The following EPS8L3 variants were observed in gnomAD, a reference collection of about 807,000 sequenced individuals.
The protein encoded by EPS8L3 is epidermal growth factor receptor kinase substrate 8-like protein 3.
Under a neutral mutation model 88.5 loss-of-function variants are expected in EPS8L3, and 80 were observed. That is an observed-to-expected ratio of 0.90 (90% confidence interval 0.75 to 1.09). The LOEUF is 1.09. EPS8L3 is among the 50% of genes least tolerant of loss of function. The probability of loss-of-function intolerance (pLI) is 0.00; values close to 1 mark genes in which losing one functional copy is unlikely to be tolerated. For synonymous variants in EPS8L3, 286 were observed against 291.0 expected (o/e 0.98, Z 0.18); for missense variants, 721 against 735.2 (o/e 0.98, Z 0.22).
chr1:109,753,190 C>T lies in EPS8L3; in HGVS notation c.1127G>A (p.Trp376Ter). 6.2e-7 allele frequency: 1 copy of T among 1,609,788 alleles called. No individual in the cohort carries two copies. The highest frequency in any genetic ancestry group is 1.7e-5 in the Admixed American group (1 of 59,388). ...GTAGGGCAGGGGCTCATCGCCTGTCCAGTCGGCCCTGAAGAGGGAAACAAA... is the reference window on the plus strand; with the variant it reads ...GTAGGGCAGGGGCTCATCGCCTGTCTAGTCGGCCCTGAAGAGGGAAACAAA... ...GPAWTTSRAD[W>*]TGDEPLPYQP... Residue 376 changes from tryptophan (W) to a stop codon, truncating the protein, a stop_gained, in exon 13 of 19, where the codon TGG becomes TAG. Transcript: ENST00000361965. LOFTEE classifies it high-confidence loss of function.
intron 1 of EPS8L3, among the ~76,000 whole-genome samples, 177 bp from the exon 2 acceptor site, chr1:109,761,950 C>A (rs1651017069): frequency 6.6e-6 from 1 of 152,086 alleles, no homozygotes; most frequent in Non-Finnish European, 1.5e-5. Flanking sequence ...CACTGAGGAG[C>A]CCTCCATCCT....
At chr1:109,756,880 ACT>A (rs1650332631) in intron 12 of EPS8L3, 135 bp downstream of exon 12, 15 of 1,084,908 alleles carry the variant, frequency 1.4e-5, no homozygotes, top group East Asian at 7.3e-5. Flanking sequence ...AAAGTTGGGA[ACT>A]CTCTGTAGAG....
In EPS8L3 at chr1:109,758,439, G is replaced by A. The variant is rs1231138108; in HGVS notation, c.602-8C>T. 12 of 1,593,800 alleles carry A rather than the reference G, an allele frequency of 7.5e-6. No individual in the cohort carries two copies. Among genetic ancestry groups the A allele is most frequent in the Non-Finnish European group, 9.4e-6 (11 of 1,170,836 alleles). On this transcript the variant is annotated splice_region_variant and splice_polypyrimidine_tract_variant and intron_variant, in intron 7 of 18. Coordinates refer to ENST00000361965, the MANE Select transcript of EPS8L3 (RefSeq NM_133181.4). ...TTGGGGATGGTGGGAGGCCTGCAGTGTAAGGGGACCATGGACCTAGATCTT... is the reference window on the plus strand; with the variant it reads ...TTGGGGATGGTGGGAGGCCTGCAGTATAAGGGGACCATGGACCTAGATCTT...
rs1450041788 is a variant in EPS8L3 at position 109,759,200 on chromosome 1, T to A, written c.405+38A>T. 6.2e-7 allele frequency: 1 copy of A among 1,602,902 alleles called. No individual in the cohort carries two copies. Among genetic ancestry groups the A allele is most frequent in the Non-Finnish European group, 8.5e-7 (1 of 1,171,662 alleles). On this transcript the variant is annotated intron_variant, in intron 5 of 18. Coordinates refer to ENST00000361965, the MANE Select transcript of EPS8L3 (RefSeq NM_133181.4). The surrounding 1 kb of genome is among the most constrained non-coding windows in gnomAD (Gnocchi z 4.2). ...GTGTGTGTGGTGGGGTGATGGTCGA[T>A]GAACCCCACCCCTGACCAATCACCC...
chr1:109,762,148 T>C (rs1050249771), intron 1 of EPS8L3, among the ~76,000 whole-genome samples: 1 of 152,122 alleles, frequency 6.6e-6, no homozygotes, highest in Admixed American at 6.5e-5. Flanking sequence ...TGAAAGATGC[T>C]GGATGAGCAG....
At position 109,751,978 on chromosome 1, in the gene EPS8L3, T is replaced by G; in HGVS notation, c.1434+17A>C. On this transcript the variant is annotated intron_variant, in intron 15 of 18. Transcript: ENST00000361965. ...CCAACCACCACCTCCTTTTCTAGCC[T>G]ATGGCCCAAGCCTCACCTCCAGCTT... 1 of 1,587,068 alleles carries G rather than the reference T, an allele frequency of 6.3e-7. No homozygotes were observed. Among genetic ancestry groups the G allele is most frequent in the South Asian group, 1.2e-5 (1 of 86,604 alleles).
chr1:109,755,956 A>G (rs901762187), intron 12 of EPS8L3, among the ~76,000 whole-genome samples: 4 of 152,238 alleles, frequency 2.6e-5, no homozygotes, highest in Admixed American at 1.3e-4. Context: ...ACTCTCTGGA[A>G]TTATTCTCTG....
At chr1:109,762,945 G>A (rs1053770801) in intron 1 of EPS8L3, among the ~76,000 whole-genome samples, 19 of 152,210 alleles carry the variant, frequency 1.2e-4, no homozygotes, top group African/African-American at 3.6e-4. Flanking sequence ...TGTGTGTCCC[G>A]GGTGGGGGTG....
intron 3 of EPS8L3, 61 bp downstream of exon 3, chr1:109,761,434 T>A: frequency 1.4e-6 from 2 of 1,454,498 alleles, no homozygotes; most frequent in Non-Finnish European, 1.9e-6. Context: ...GGCAGGGCGG[T>A]GGGCACATGG....
At position 109,751,861 on chromosome 1, in the gene EPS8L3, A is replaced by G. The variant is rs6674722; in HGVS notation, c.1435-79T>C. ...TCCCCACACAAGGCTTTCTCCCTCCAGCTCTTTCCTACCCTCCTTCTCCCT... is the reference window on the plus strand; with the variant it reads ...TCCCCACACAAGGCTTTCTCCCTCCGGCTCTTTCCTACCCTCCTTCTCCCT... On this transcript the variant is annotated intron_variant, in intron 15 of 18. Transcript: ENST00000361965. The G allele has an allele frequency of 0.011, 18,313 of 1,594,076 alleles. 1,245 individuals carry two copies. The African/African-American group carries it at 0.17, about 15-fold the overall frequency.
rs139592351 is a variant in EPS8L3 at position 109,757,520 on chromosome 1, G to A, written c.930C>T (p.Ala310=). 7 of 1,613,956 alleles carry A rather than the reference G, an allele frequency of 4.3e-6. No individual in the cohort carries two copies. The highest frequency in any genetic ancestry group is 8.5e-7 in the Non-Finnish European group (1 of 1,179,992). ...TGAAGAGGATGTGTACGAGCTCAGG[G>A]GCACTTGTCTCCTTCAGCCAGGTGG... ...RLATWLKETS[A]PELVHILFKS... Residue 310 remains alanine (A), a synonymous_variant, in exon 11 of 19, where the codon GCC becomes GCT. Transcript: ENST00000361965.
Position 109,750,736 on chromosome 1 carries a change from C to A in EPS8L3, c.1694G>T (p.Gly565Val). The change falls in exon 18 of 19, where the codon GGG (glycine) becomes GTG (valine). Residue 565 changes from glycine to valine, a missense_variant. By Grantham distance (109) the Gly-to-Val change is moderately radical (BLOSUM62 -3). Coordinates refer to ENST00000361965, the MANE Select transcript of EPS8L3 (RefSeq NM_133181.4). ...TGSQLLRIRP[G>V]ELQMLCPQEA... Reference sequence around the variant, plus strand: ...CTGTGGACATAGCATCTGTAGCTCCCCAGGTCTTATGCGAAGTAGCTGGCT... The same window carrying A: ...CTGTGGACATAGCATCTGTAGCTCCACAGGTCTTATGCGAAGTAGCTGGCT... 6.2e-7 allele frequency: 1 copy of A among 1,614,228 alleles called. No homozygotes were observed. The highest frequency in any genetic ancestry group is 1.1e-5 in the South Asian group (1 of 91,080).
chr1:109,754,520 A>G (rs1443576702), intron 12 of EPS8L3, among the ~76,000 whole-genome samples: 1 of 152,244 alleles, frequency 6.6e-6, no homozygotes, highest in Non-Finnish European at 1.5e-5. Flanking sequence ...ACATCTGACA[A>G]TATTACATTT....
Position 109,750,281 on chromosome 1 carries a change from G to A in EPS8L3, c.*110C>T. 5.1e-6 allele frequency: 7 copies of A among 1,359,500 alleles called. No homozygotes were observed. The highest frequency in any genetic ancestry group is 7.2e-6 in the Non-Finnish European group (7 of 969,296). The allele number at this position is 1,359,500 out of a possible 1,614,324, so 84.2% of individuals were successfully genotyped here. A position where few individuals can be genotyped will look rare whatever the true frequency, so the allele number is the denominator to read the frequency against. On this transcript the variant is annotated 3_prime_UTR_variant, in exon 19 of 19. Coordinates refer to ENST00000361965, the MANE Select transcript of EPS8L3 (RefSeq NM_133181.4). ...TTTGCTGTGTGAGCTGGGGTGTGGGGTTTGCTGCAAACTGGGATCCAGAAG... is the reference window on the plus strand; with the variant it reads ...TTTGCTGTGTGAGCTGGGGTGTGGGATTTGCTGCAAACTGGGATCCAGAAG...
At position 109,758,404 on chromosome 1, in the gene EPS8L3, G is replaced by A. The variant is rs994586260; in HGVS notation, c.629C>T (p.Pro210Leu). ...TGGTTCTCGGGCACTGGTGTGGCGT[G>A]GCAGGGGCCTTGGGGATGGTGGGAG... ...HSLPPSPRPLPRHTSAREPSA... is the reference protein window; with the variant it reads ...HSLPPSPRPLLRHTSAREPSA... The change falls in exon 8 of 19, where the codon CCA becomes CTA. Residue 210 changes from proline to leucine, a missense_variant. Physicochemically the swap from Pro to Leu is moderately conservative, Grantham distance 98. Coordinates refer to ENST00000361965, the MANE Select transcript of EPS8L3 (RefSeq NM_133181.4). 2.5e-6 allele frequency: 4 copies of A among 1,610,964 alleles called. No individual in the cohort carries two copies. The Admixed American group carries it at 6.7e-5, about 27-fold the overall frequency.
intron 1 of EPS8L3, among the ~76,000 whole-genome samples, chr1:109,762,102 G>A (rs986070625): frequency 1.3e-5 from 2 of 152,184 alleles, no homozygotes; most frequent in African/African-American, 4.8e-5. Flanking sequence ...TGGATGGACA[G>A]GGACCTGCGT....
intron 12 of EPS8L3, 96 bp from the exon 13 acceptor site, chr1:109,753,294 T>A (rs1649982773): frequency 2.0e-6 from 2 of 1,001,922 alleles, no homozygotes; most frequent in East Asian, 5.0e-5. Flanking sequence ...GGGCCTAGCC[T>A]CAGGAATCTT....
In EPS8L3 at chr1:109,757,823, G is replaced by A; in HGVS notation, c.873C>T (p.Ile291=). Residue 291 remains isoleucine, a synonymous_variant, in exon 10 of 19, where the codon ATC becomes ATT. Coordinates refer to ENST00000361965, the MANE Select transcript of EPS8L3 (RefSeq NM_133181.4). The part of the protein sequence containing the change: ...QAQYIDCFQK[I]KHSFNLLGRL... The stretch of plus-strand genomic sequence containing the variant: ...CTACCAGGAGGTTGAAGCTGTGCTT[G>A]ATCTTCTGGAAGCAGTCAATGTACT... The A allele has an allele frequency of 1.2e-6, 2 of 1,614,172 alleles. No homozygotes were observed. The highest frequency in any genetic ancestry group is 2.2e-5 in the South Asian group (2 of 91,084).
chr1:109,761,230 T>G, intron 3 of EPS8L3: 1 of 436,368 alleles, frequency 2.3e-6, no homozygotes, highest in Non-Finnish European at 4.2e-6. Flanking sequence ...TGCTGCTACT[T>G]CTTCCTGTCT....
Sources: gnomAD v4.1 joint callset for allele counts (sites outside exome capture counted in the v4.1 genomes callset) on GRCh38, gnomAD v4.1.1 for gene constraint, Gnocchi (gnomAD v3.1) non-coding constraint, MANE v1.5 for transcripts, NCBI Gene and HGNC (gene_info 2026-07-23, HGNC 2026-07-21) for gene names.